Variants in EYS observed in about 807,000 individuals in gnomAD.
The protein encoded by EYS is protein eyes shut homolog.
In EYS, 250 loss-of-function variants were observed where a neutral mutation model predicts 282.1. The observed-to-expected ratio is 0.89, with a 90% CI of 0.80 to 0.98. The LOEUF (loss-of-function observed/expected upper bound fraction) is 0.98. EYS is among the 50% of genes least tolerant of loss of function. The pLI is 0.00. For missense variants in EYS, 4,016 were observed against 3,709.0 expected (o/e 1.08, Z -2.15); for synonymous variants, 1,355 against 1,282.9 (o/e 1.06, Z -1.20).
intron 19 of EYS, among the ~76,000 whole-genome samples, chr6:64,875,263 A>C (rs1766710911): frequency 1.3e-5 from 2 of 152,014 alleles, no homozygotes; most frequent in African/African-American, 2.4e-5. Flanking sequence ...GGAGAATTAA[A>C]ATGTTCATGC....
chr6:64,407,101 T>C (rs1200470945), intron 28 of EYS, among the ~76,000 whole-genome samples: 1 of 152,150 alleles, frequency 6.6e-6, no homozygotes, highest in East Asian at 1.9e-4. Context: ...ATATACACCA[T>C]GGAATACTAT....
At chr6:65,174,942 A>T (rs1194168590) in intron 12 of EYS, among the ~76,000 whole-genome samples, 1 of 151,266 alleles carries the variant, frequency 6.6e-6, no homozygotes, top group Non-Finnish European at 1.5e-5. Context: ...TCTTAAACTA[A>T]GATTATTTTT....
chr6:65,388,171 T>C (rs1217765588), intron 7 of EYS, among the ~76,000 whole-genome samples: 2 of 152,016 alleles, frequency 1.3e-5, no homozygotes, highest in African/African-American at 2.4e-5. Flanking sequence ...GATGTAAAAG[T>C]GATTTAAAGA....
At chr6:64,975,215 G>A (rs1296389524) in intron 14 of EYS, among the ~76,000 whole-genome samples, 1 of 151,562 alleles carries the variant, frequency 6.6e-6, no homozygotes, top group East Asian at 1.9e-4. Flanking sequence ...ACCACTTATT[G>A]AATAAGATAT....
At chr6:65,043,468 C>T (rs1252653029) in intron 13 of EYS, among the ~76,000 whole-genome samples, 1 of 151,308 alleles carries the variant, frequency 6.6e-6, no homozygotes, top group Non-Finnish European at 1.5e-5. Context: ...TGTAGTTACA[C>T]TGCTATGTAA....
intron 24 of EYS, among the ~76,000 whole-genome samples, chr6:64,614,099 C>A (rs569125422): frequency 6.6e-6 from 1 of 152,198 alleles, no homozygotes; most frequent in East Asian, 1.9e-4. Flanking sequence ...TCTCCCTACA[C>A]CTTACTGCCA....
chr6:64,176,193 G>T (rs1303672866), intron 31 of EYS, among the ~76,000 whole-genome samples: 3 of 152,034 alleles, frequency 2.0e-5, no homozygotes, highest in Admixed American at 1.3e-4. Context: ...GGAAGACCAG[G>T]TAAGTCAGGG....
At chr6:64,100,750 CCT>C (rs1192208503) in intron 31 of EYS, among the ~76,000 whole-genome samples, 1 of 152,122 alleles carries the variant, frequency 6.6e-6, no homozygotes, top group Non-Finnish European at 1.5e-5. Context: ...GAACCCTGAA[CCT>C]TACATGAGAG....
chr6:63,961,821 T>C (rs1562118839), intron 35 of EYS, among the ~76,000 whole-genome samples: 1 of 152,186 alleles, frequency 6.6e-6, no homozygotes. Flanking sequence ...ATTTTGATGG[T>C]ACACCAACAT....
intron 22 of EYS, among the ~76,000 whole-genome samples, chr6:64,753,173 A>G (rs558847644): frequency 9.9e-5 from 15 of 152,256 alleles, no homozygotes; most frequent in Non-Finnish European, 1.5e-4. Context: ...CAGGTCTTAT[A>G]AAATAAGTAT....
At chr6:63,770,623 T>C (rs1053158913) in intron 40 of EYS, among the ~76,000 whole-genome samples, 1 of 152,160 alleles carries the variant, frequency 6.6e-6, no homozygotes, top group African/African-American at 2.4e-5. Flanking sequence ...TCTTCTCAGG[T>C]CATCTCCTGT....
At chr6:65,231,169 A>ACTTTTATATATATT (rs1480930464) in intron 12 of EYS, among the ~76,000 whole-genome samples, 1 of 26,222 alleles carries the variant, frequency 3.8e-5, no homozygotes, top group Non-Finnish European at 9.7e-5. Flanking sequence ...TTATATATAT[A>ACTTTTATATATATT]TTTTATATAT....
chr6:65,222,348 G>A (rs546416), intron 12 of EYS, among the ~76,000 whole-genome samples: 3,319 of 152,182 alleles, frequency 0.022, 111 homozygotes, highest in African/African-American at 0.076. Flanking sequence ...GGGATTTTCC[G>A]CTGTCCTTGT....
chr6:64,967,363 C>T (rs1017623569), intron 14 of EYS, among the ~76,000 whole-genome samples: 4 of 151,418 alleles, frequency 2.6e-5, no homozygotes, highest in South Asian at 2.1e-4. Flanking sequence ...CTCACTCTGT[C>T]CCCCAAGCTG....
chr6:65,329,018 A>G (rs1325215242), intron 11 of EYS, among the ~76,000 whole-genome samples: 2 of 151,270 alleles, frequency 1.3e-5, no homozygotes, highest in Non-Finnish European at 3.0e-5. Context: ...GCAATGCTAA[A>G]AGGTTATACC....
chr6:65,551,248 T>A (rs1222732268), intron 2 of EYS, among the ~76,000 whole-genome samples: 1 of 8,928 alleles, frequency 1.1e-4, no homozygotes, highest in Non-Finnish European at 1.5e-4. Context: ...ATGGCCATAC[T>A]GCCCAAGGTA....
intron 12 of EYS, among the ~76,000 whole-genome samples, chr6:65,185,131 TG>T (rs1280740273): frequency 6.6e-6 from 1 of 151,770 alleles, no homozygotes; most frequent in African/African-American, 2.4e-5. Flanking sequence ...TGAAGAAAGA[TG>T]CACATAGATC....
intron 2 of EYS, among the ~76,000 whole-genome samples, chr6:65,504,916 A>G (rs374735518): frequency 1.4e-4 from 21 of 151,730 alleles, no homozygotes; most frequent in South Asian, 4.1e-4. Context: ...GGGTAATGCT[A>G]GCCTCAGGAA....
At chr6:64,875,891 G>T (rs1157930253) in intron 19 of EYS, among the ~76,000 whole-genome samples, 2 of 152,040 alleles carry the variant, frequency 1.3e-5, no homozygotes, top group East Asian at 3.9e-4. Context: ...TAATTGATGT[G>T]TTTTTAATAG....
Sources: allele counts gnomAD v4.1 joint callset (sites outside exome capture counted in the v4.1 genomes callset), GRCh38; gene constraint gnomAD v4.1.1; transcripts MANE v1.5; gene names NCBI Gene and HGNC (gene_info 2026-07-23, HGNC 2026-07-21).